KANSL1L: variants seen among roughly 807,000 people sequenced by gnomAD.
KANSL1L encodes the protein KAT8 regulatory NSL complex subunit 1-like protein.
In KANSL1L, 25 loss-of-function variants were observed where a neutral mutation model predicts 108.6. The observed-to-expected ratio is 0.23, with a 90% CI of 0.17 to 0.32. The LOEUF (loss-of-function observed/expected upper bound fraction) is 0.32. Among genes scored for constraint, KANSL1L ranks in the 10% least tolerant of loss-of-function variants. The pLI, the probability that KANSL1L is intolerant of heterozygous loss-of-function variation, is 1.00. For synonymous variants in KANSL1L, 405 were observed against 395.1 expected, an observed-to-expected ratio of 1.03 and a Z score of -0.30; for missense variants, 1,137 against 1,125.7, an observed-to-expected ratio of 1.01 and a Z score of -0.14.
intron 14 of KANSL1L, 32 bp downstream of exon 14, chr2:210,024,001 A>G: frequency 1.4e-6 from 2 of 1,428,560 alleles, no homozygotes; most frequent in South Asian, 1.4e-5. Context: ...AAGTCAAGGA[A>G]TGGGAAGTTT....
At position 210,129,115 on chromosome 2, in the gene KANSL1L, C is replaced by T. The variant is rs2095096232; in HGVS notation, c.1146G>A (p.Trp382Ter). The change falls in exon 3 of 15, where the codon TGG (tryptophan) becomes TGA (stop). Residue 382 changes from tryptophan to a stop codon, truncating the protein, a stop_gained. Transcript: ENST00000281772. LOFTEE classifies it high-confidence loss of function. ...CTGAAATCTGAGCTTGAAGCCAAGT[C>T]CATCGGCTGCCAACTCGTGCTCTGT... ...LVDRARVGSRWTWLQAQISDL... is the reference protein window; with the variant it reads ...LVDRARVGSR 2 of 1,613,824 alleles carry T rather than the reference C, an allele frequency of 1.2e-6. No individual in the cohort carries two copies. The highest frequency in any genetic ancestry group is 1.7e-6 in the Non-Finnish European group (2 of 1,179,762).
chr2:210,161,821 A>G (rs1004571598), intron 1 of KANSL1L, among the ~76,000 whole-genome samples: 23 of 151,948 alleles, frequency 1.5e-4, no homozygotes, highest in Non-Finnish European at 2.6e-4. Context: ...ATAGTAAACA[A>G]TTTGTTCAAG....
chr2:210,095,370 T>C (rs572945391), intron 5 of KANSL1L, among the ~76,000 whole-genome samples: 1 of 152,140 alleles, frequency 6.6e-6, no homozygotes, highest in East Asian at 1.9e-4. Context: ...CTCTTACCTC[T>C]TTCTCCATCA....
In KANSL1L at chr2:210,070,224, C is replaced by CTTTTTTTTT. The variant is rs71043971; in HGVS notation, c.1755+5319_1755+5327dup. Among the ~76,000 whole-genome samples the CTTTTTTTTT allele has an allele frequency of 6.6e-4, 51 of 77,562 alleles. 2 individuals carry two copies. The highest frequency in any genetic ancestry group is 7.6e-4 in the Non-Finnish European group (36 of 47,294). 50.9% of individuals were successfully genotyped at this position (77,562 alleles called of 152,430 possible). A position where few individuals can be genotyped will look rare whatever the true frequency, so the allele number is the denominator to read the frequency against. On this transcript the variant is annotated intron_variant, in intron 6 of 14. Transcript: ENST00000281772. ...TGTGTCTCAAATCTCTTTCTCCGTT[C>CTTTTTTTTT]TTTTTTTTTTTTTTTTTTTTTTTTG...
At chr2:210,089,315 A>G (rs1165580165) in intron 5 of KANSL1L, among the ~76,000 whole-genome samples, 2 of 152,178 alleles carry the variant, frequency 1.3e-5, no homozygotes, top group African/African-American at 4.8e-5. Flanking sequence ...ATTTCTCTCT[A>G]TTTACCAGTT....
At chr2:210,137,390 G>C (rs565281581) in intron 2 of KANSL1L, among the ~76,000 whole-genome samples, 1 of 152,166 alleles carries the variant, frequency 6.6e-6, no homozygotes, top group Non-Finnish European at 1.5e-5. Flanking sequence ...TAACAAGTTT[G>C]AAGTAATCTG....
chr2:210,071,356 G>A (rs76824217), intron 6 of KANSL1L, among the ~76,000 whole-genome samples: 1,902 of 151,650 alleles, frequency 0.013, 42 homozygotes, highest in African/African-American at 0.043. Context: ...CAACCTCCGC[G>A]TCTCAGGTTC....
At chr2:210,156,136 C>T (rs142574972) in intron 1 of KANSL1L, among the ~76,000 whole-genome samples, 6 of 152,172 alleles carry the variant, frequency 3.9e-5, no homozygotes, top group Admixed American at 6.5e-5. Flanking sequence ...TCAGGTACTT[C>T]ACAGATGATG....
At chr2:210,030,223 C>G (rs1364572542) in intron 9 of KANSL1L, among the ~76,000 whole-genome samples, 2 of 151,896 alleles carry the variant, frequency 1.3e-5, no homozygotes, top group South Asian at 2.1e-4. Flanking sequence ...AGTTGAACCA[C>G]CAGAACTATC....
intron 2 of KANSL1L, among the ~76,000 whole-genome samples, chr2:210,129,875 T>A (rs2095104261): frequency 6.6e-6 from 1 of 151,896 alleles, no homozygotes; most frequent in South Asian, 2.1e-4. Context: ...AAGGGTTGAT[T>A]CCTAGCTCCT....
At chr2:210,035,232 T>G (rs2094084682) in intron 8 of KANSL1L, 2 of 152,206 alleles carry the variant, frequency 1.3e-5, no homozygotes. Context: ...CTTTCATAAC[T>G]TTGAACATTT....
chr2:210,029,911 T>C lies in KANSL1L; in HGVS notation c.2163A>G (p.Arg721=). ...GAAAATCAGATTCTTCAAGTTTAGTTCTTTCTCCTGCCATGGAAAGAACCA... is the reference window on the plus strand; with the variant it reads ...GAAAATCAGATTCTTCAAGTTTAGTCCTTTCTCCTGCCATGGAAAGAACCA... The part of the protein sequence containing the change: ...RHLSETALGE[R]TKLEESDFQH... The change falls in exon 10 of 15, where the codon AGA becomes AGG. Residue 721 remains arginine, a synonymous_variant. Coordinates refer to ENST00000281772, the MANE Select transcript of KANSL1L (RefSeq NM_152519.4). The C allele has an allele frequency of 1.3e-6, 2 of 1,555,690 alleles. No homozygotes were observed. Among genetic ancestry groups the C allele is most frequent in the Non-Finnish European group, 1.8e-6 (2 of 1,129,864 alleles).
intron 5 of KANSL1L, among the ~76,000 whole-genome samples, chr2:210,089,900 T>G (rs1575509495): frequency 6.6e-6 from 1 of 152,128 alleles, no homozygotes; most frequent in East Asian, 1.9e-4. Flanking sequence ...CCTCATTGAC[T>G]TCTAGTAACT....
At chr2:210,168,326 AAAATAAGG>A (rs1688109770) in intron 1 of KANSL1L, among the ~76,000 whole-genome samples, 1 of 152,076 alleles carries the variant, frequency 6.6e-6, no homozygotes. Flanking sequence ...CTATATAGAC[AAAATAAGG>A]GTATGGAGAG....
chr2:210,036,616 T>G (rs2094106822), intron 8 of KANSL1L, among the ~76,000 whole-genome samples: 1 of 152,230 alleles, frequency 6.6e-6, no homozygotes, highest in Non-Finnish European at 1.5e-5. Context: ...TGGCACTAAG[T>G]GCTCAATAAA....
In KANSL1L at chr2:210,134,161, C is replaced by T. The variant is rs1056591692; in HGVS notation, c.1089-4989G>A. 3.9e-5 allele frequency among the ~76,000 whole-genome samples: 6 copies of T among 152,212 alleles called. No homozygotes were observed. The South Asian group carries it at 1.2e-3, about 32-fold the overall frequency. The stretch of plus-strand genomic sequence containing the variant: ...AGTGATTTTTATTTATTAACCACTT[C>T]TTCTGAATGACTATTCCCTTGTTAG... On this transcript the variant is annotated intron_variant, in intron 2 of 14. Transcript: ENST00000281772.
intron 2 of KANSL1L, 45 bp from the exon 3 acceptor site, chr2:210,129,217 A>C (rs770140015): frequency 1.3e-6 from 2 of 1,503,264 alleles, no homozygotes; most frequent in Non-Finnish European, 1.8e-6. Flanking sequence ...AAAGGCAATC[A>C]AGTTTCACAA....
intron 3 of KANSL1L, among the ~76,000 whole-genome samples, chr2:210,108,905 T>C (rs929586144): frequency 6.6e-6 from 1 of 152,170 alleles, no homozygotes; most frequent in African/African-American, 2.4e-5. Context: ...CTTCATCACT[T>C]CCTAGCTTTT....
At chr2:210,146,596 T>C (rs1444912137) in intron 2 of KANSL1L, among the ~76,000 whole-genome samples, 1 of 152,216 alleles carries the variant, frequency 6.6e-6, no homozygotes, top group Non-Finnish European at 1.5e-5. Flanking sequence ...ACATATTATA[T>C]AGAAGTCTCG....
Sources: allele counts gnomAD v4.1 joint callset (sites outside exome capture counted in the v4.1 genomes callset), GRCh38; gene constraint gnomAD v4.1.1; transcripts MANE v1.5; gene names NCBI Gene and HGNC (gene_info 2026-07-23, HGNC 2026-07-21).